SLC35F3: variants seen among roughly 807,000 people sequenced by gnomAD.
SLC35F3 encodes solute carrier family 35 member F3.
SLC35F3 carries 25 observed loss-of-function variants against 49.9 expected under a neutral mutation model. The ratio of observed to expected loss-of-function variants is 0.50; its 90% CI spans 0.37 to 0.70. SLC35F3 has a LOEUF of 0.70. Ranked by LOEUF, SLC35F3 falls within the 30% of genes least tolerant of loss-of-function variation. SLC35F3 has a pLI of 0.00. For missense variants in SLC35F3, 525 were observed against 639.8 expected (o/e 0.82, Z 1.94); for synonymous variants, 275 against 265.4 (o/e 1.04, Z -0.35).
intron 2 of SLC35F3, chr1:234,213,599 C>T (rs1394446818): frequency 6.6e-6 from 1 of 152,274 alleles, no homozygotes; most frequent in African/African-American, 2.4e-5. Context: ...CAGTAGCTTA[C>T]AGCTGTGTCT....
chr1:234,190,055 T>G (rs547625469), intron 2 of SLC35F3, among the ~76,000 whole-genome samples: 2 of 152,280 alleles, frequency 1.3e-5, no homozygotes, highest in East Asian at 3.9e-4. Flanking sequence ...CTACAAGAAC[T>G]GCTAAAAGGA....
intron 2 of SLC35F3, among the ~76,000 whole-genome samples, chr1:234,019,372 G>C (rs1330537050): frequency 6.6e-6 from 1 of 151,998 alleles, no homozygotes; most frequent in Non-Finnish European, 1.5e-5. Flanking sequence ...TGTAATGAGA[G>C]AGAGAGACAG....
intron 2 of SLC35F3, among the ~76,000 whole-genome samples, chr1:234,212,102 C>T (rs1667053858): frequency 6.6e-6 from 1 of 152,208 alleles, no homozygotes; most frequent in Non-Finnish European, 1.5e-5. Flanking sequence ...GCTTGCTCCT[C>T]CTTGCCTTCC....
At chr1:233,905,246 C>G in intron 1 of SLC35F3, 116 bp downstream of exon 1, 1 of 1,116,164 alleles carries the variant, frequency 9.0e-7, no homozygotes, top group South Asian at 1.4e-5. Context: ...GGGCGGCGCG[C>G]GCGGTGGAGC....
chr1:234,100,229 G>A (rs1665193673), intron 2 of SLC35F3, among the ~76,000 whole-genome samples: 1 of 152,170 alleles, frequency 6.6e-6, no homozygotes, highest in Admixed American at 6.5e-5. Context: ...CTACCTTTGA[G>A]TCAAGATTCT....
intron 2 of SLC35F3, among the ~76,000 whole-genome samples, chr1:233,944,880 T>C (rs184609392): frequency 2.0e-5 from 3 of 152,248 alleles, no homozygotes; most frequent in East Asian, 1.9e-4. Context: ...GAAGGGACCA[T>C]GGCAACATTC....
At chr1:233,930,403 A>C (rs1302888491) in intron 2 of SLC35F3, among the ~76,000 whole-genome samples, 1 of 152,180 alleles carries the variant, frequency 6.6e-6, no homozygotes, top group Non-Finnish European at 1.5e-5. Flanking sequence ...AAGAGGTATT[A>C]TAATTTCCCA....
chr1:234,147,758 C>A (rs886887601), intron 2 of SLC35F3, among the ~76,000 whole-genome samples: 1 of 152,218 alleles, frequency 6.6e-6, no homozygotes, highest in Admixed American at 6.5e-5. Flanking sequence ...TTTTTACTTT[C>A]AGACCCTTAG....
intron 2 of SLC35F3, among the ~76,000 whole-genome samples, chr1:233,931,585 A>G (rs1017931742): frequency 6.6e-6 from 1 of 152,254 alleles, no homozygotes; most frequent in Non-Finnish European, 1.5e-5. Flanking sequence ...AATCAAAACC[A>G]CAAGGAGATA....
At position 234,214,381 on chromosome 1, in the gene SLC35F3, G is replaced by C. The variant is rs1667088616; in HGVS notation, c.284-17036G>C. 7 of 1,360,230 alleles carry C rather than the reference G, an allele frequency of 5.1e-6. No homozygotes were observed. Among genetic ancestry groups the C allele is most frequent in the Non-Finnish European group, 6.6e-6 (7 of 1,056,260 alleles). 84.3% of individuals were successfully genotyped at this position (1,360,230 alleles called of 1,614,324 possible). A position where few individuals can be genotyped will look rare whatever the true frequency, so the allele number is the denominator to read the frequency against. ...AGGCCGGGACTGAGAGGGGCGAGCC[G>C]CTGGTGCTCCCCGGCGGCAGAGGGC... On this transcript the variant is annotated intron_variant, in intron 2 of 7. Coordinates refer to ENST00000366618, the MANE Select transcript of SLC35F3 (RefSeq NM_173508.4). The surrounding 1 kb of genome is among the most constrained non-coding windows in gnomAD (Gnocchi z 8.0).
At chr1:234,077,060 A>G (rs921046014) in intron 2 of SLC35F3, among the ~76,000 whole-genome samples, 1 of 139,088 alleles carries the variant, frequency 7.2e-6, no homozygotes, top group African/African-American at 2.8e-5. Context: ...TGCGGACTGC[A>G]GTGGCGCAAT....
rs758145710 is a variant in SLC35F3, at chr1:234,318,961, G to A, written c.1147+18G>A. 2 of 1,603,952 alleles carry A rather than the reference G, an allele frequency of 1.2e-6. No individual in the cohort carries two copies. The highest frequency in any genetic ancestry group is 2.2e-5 in the South Asian group (2 of 89,502). Reference sequence around the variant, plus strand: ...TTTATTGAGTAAGTGCTAATCACCTGTCCAGAATTCCCAGAAAGCAACCAC... The same window carrying A: ...TTTATTGAGTAAGTGCTAATCACCTATCCAGAATTCCCAGAAAGCAACCAC... On this transcript the variant is annotated intron_variant, in intron 6 of 7. Transcript: ENST00000366618.
intron 2 of SLC35F3, among the ~76,000 whole-genome samples, chr1:234,058,328 ATTTTTTTTTTTTTTTT>A (rs56960667): frequency 2.5e-5 from 1 of 39,792 alleles, no homozygotes; most frequent in Non-Finnish European, 4.1e-5. Flanking sequence ...ATGTTCCTGA[ATTTTTTTTTTTTTTTT>A]TTTTTTTTTT....
chr1:234,222,083 C>T (rs1667214969), intron 2 of SLC35F3, among the ~76,000 whole-genome samples: 1 of 152,122 alleles, frequency 6.6e-6, no homozygotes, highest in Non-Finnish European at 1.5e-5. Context: ...GGTATTTGAG[C>T]AGGGGATGGA....
At chr1:234,074,914 A>C (rs948628787) in intron 2 of SLC35F3, among the ~76,000 whole-genome samples, 8 of 152,178 alleles carry the variant, frequency 5.3e-5, no homozygotes, top group Non-Finnish European at 8.8e-5. Context: ...GCTGAGACTG[A>C]AATAAGGAAA....
At chr1:234,075,876 A>G (rs1309112557) in intron 2 of SLC35F3, among the ~76,000 whole-genome samples, 2 of 152,172 alleles carry the variant, frequency 1.3e-5, no homozygotes, top group Non-Finnish European at 2.9e-5. Context: ...GTAATTGACT[A>G]TTCCCCTACC....
chr1:233,965,402 A>T (rs1257836603), intron 2 of SLC35F3, among the ~76,000 whole-genome samples: 1 of 152,034 alleles, frequency 6.6e-6, no homozygotes, highest in East Asian at 1.9e-4. Context: ...TATGGGCAGG[A>T]CCTGTGATTG....
Position 233,905,645 on chromosome 1 carries a change from C to G in SLC35F3, c.170C>G (p.Ser57Trp). Residue 57 changes from serine (S) to tryptophan (W), a missense_variant, in exon 2 of 8, where the codon TCG (serine) becomes TGG (tryptophan). Ser to Trp is a radical substitution (Grantham distance 177). Coordinates refer to ENST00000366618, the MANE Select transcript of SLC35F3 (RefSeq NM_173508.4). ...DEAIKEDLKW[S>W]RSVEDLTSGP... ...GCGATTAAGGAGGATCTGAAATGGT[C>G]GCGCTCCGTGGAGGATCTCACCAGC... 1 of 1,614,168 alleles carries G rather than the reference C, an allele frequency of 6.2e-7. No homozygotes were observed. Among genetic ancestry groups the G allele is most frequent in the Non-Finnish European group, 8.5e-7 (1 of 1,180,024 alleles).
chr1:233,965,654 G>T (rs1018117978), intron 2 of SLC35F3, among the ~76,000 whole-genome samples: 5 of 152,128 alleles, frequency 3.3e-5, no homozygotes, highest in African/African-American at 1.2e-4. Flanking sequence ...AATAAATGCT[G>T]CCAATAACTG....
Sources: gnomAD v4.1 joint callset for allele counts (sites outside exome capture counted in the v4.1 genomes callset) on GRCh38, gnomAD v4.1.1 for gene constraint, Gnocchi (gnomAD v3.1) non-coding constraint, MANE v1.5 for transcripts, NCBI Gene and HGNC (gene_info 2026-07-23, HGNC 2026-07-21) for gene names.